Variants in TOGARAM2 observed in about 807,000 individuals in gnomAD.
TOGARAM2 encodes the protein TOG array regulator of axonemal microtubules 2.
A neutral mutation model predicts 93.3 loss-of-function variants in TOGARAM2; 85 were observed. The ratio of observed to expected loss-of-function variants is 0.91; its 90% CI spans 0.76 to 1.09. The LOEUF is 1.09. Ranked by LOEUF, TOGARAM2 falls within the 50% of genes least tolerant of loss-of-function variation. The probability of loss-of-function intolerance (pLI) is 0.00; values close to 1 mark genes in which losing one functional copy is unlikely to be tolerated. For missense variants in TOGARAM2, 1,277 were observed against 1,334.5 expected (o/e 0.96, Z 0.67); for synonymous variants, 593 against 552.8 (o/e 1.07, Z -1.02).
intron 15 of TOGARAM2, 21 bp from the exon 16 acceptor site, chr2:29,033,448 C>A: frequency 6.2e-7 from 1 of 1,604,028 alleles, no homozygotes; most frequent in South Asian, 1.1e-5. Context: ...TTGGCTCATG[C>A]TCTGTGTGTA....
chr2:29,001,626 C>T (rs765882279), intron 4 of TOGARAM2, among the ~76,000 whole-genome samples: 31 of 152,206 alleles, frequency 2.0e-4, no homozygotes, highest in African/African-American at 7.5e-4. Flanking sequence ...TCAGCCTCCC[C>T]GGTAGCTGGG....
intron 1 of TOGARAM2, among the ~76,000 whole-genome samples, chr2:28,969,116 C>G (rs1671910154): frequency 6.6e-6 from 1 of 152,154 alleles, no homozygotes. Flanking sequence ...CAAAGGTCCA[C>G]ATGTATTTTA....
chr2:29,023,791 C>T (rs1665136056), intron 12 of TOGARAM2, among the ~76,000 whole-genome samples: 1 of 152,208 alleles, frequency 6.6e-6, no homozygotes, highest in Non-Finnish European at 1.5e-5. Context: ...GTTACATTCT[C>T]CCAGGTTAAT....
intron 1 of TOGARAM2, among the ~76,000 whole-genome samples, chr2:28,987,172 A>G (rs566129334): frequency 1.3e-5 from 2 of 152,222 alleles, no homozygotes; most frequent in Non-Finnish European, 2.9e-5. Flanking sequence ...CCAAAGCTCA[A>G]TGACATAGTA....
intron 1 of TOGARAM2, among the ~76,000 whole-genome samples, chr2:28,989,445 T>C (rs1444878934): frequency 6.6e-6 from 1 of 151,934 alleles, no homozygotes; most frequent in Non-Finnish European, 1.5e-5. Flanking sequence ...TCGCCCAGAC[T>C]GGAGTGCGGT....
At chr2:28,985,073 C>T (rs1672405577) in intron 1 of TOGARAM2, among the ~76,000 whole-genome samples, 1 of 152,142 alleles carries the variant, frequency 6.6e-6, no homozygotes, top group African/African-American at 2.4e-5. Context: ...TAAAGCCTAA[C>T]CCCCCATGTG....
chr2:29,001,787 G>A (rs1176602436), intron 4 of TOGARAM2, among the ~76,000 whole-genome samples: 2 of 152,124 alleles, frequency 1.3e-5, no homozygotes, highest in Admixed American at 6.5e-5. Flanking sequence ...GAGCCACTGC[G>A]CCTGGCCTGA....
At chr2:28,997,311 G>T (rs1231276834) in intron 2 of TOGARAM2, among the ~76,000 whole-genome samples, 1 of 152,198 alleles carries the variant, frequency 6.6e-6, no homozygotes, top group East Asian at 1.9e-4. Context: ...TTAAAGGAGC[G>T]CATGCCTTAG....
chr2:29,007,771 C>T (rs926081266), intron 6 of TOGARAM2, among the ~76,000 whole-genome samples: 2 of 152,050 alleles, frequency 1.3e-5, no homozygotes, highest in African/African-American at 4.8e-5. Context: ...CCCACGACCC[C>T]ACAGTTCCTC....
At chr2:29,001,125 G>T (rs926059636) in intron 4 of TOGARAM2, among the ~76,000 whole-genome samples, 1 of 152,096 alleles carries the variant, frequency 6.6e-6, no homozygotes, top group Non-Finnish European at 1.5e-5. Context: ...AGGCTGAGTT[G>T]ACTCCTCTGT....
At chr2:29,038,394 C>T (rs1666244807) in intron 18 of TOGARAM2, among the ~76,000 whole-genome samples, 1 of 152,168 alleles carries the variant, frequency 6.6e-6, no homozygotes, top group Admixed American at 6.5e-5. Context: ...GTGTGGCCCT[C>T]AAAGGGATGA....
At chr2:29,011,399 C>G in intron 6 of TOGARAM2, 56 bp from the exon 7 acceptor site, 1 of 1,569,958 alleles carries the variant, frequency 6.4e-7, no homozygotes, top group Non-Finnish European at 8.7e-7. Context: ...GCTCCCCCAG[C>G]AGTGTCTCTG....
chr2:28,968,828 A>AC (rs1181352175), intron 1 of TOGARAM2, among the ~76,000 whole-genome samples: 17,082 of 121,634 alleles, frequency 0.14, 1,402 homozygotes, highest in East Asian at 0.53. Flanking sequence ...AAAAAAAAAA[A>AC]AAAAAAAAAA....
chr2:29,003,468 C>T, intron 5 of TOGARAM2, 24 bp from the exon 6 acceptor site: 1 of 1,471,788 alleles, frequency 6.8e-7, no homozygotes, highest in African/African-American at 1.4e-5. Context: ...ATAGGCCAGA[C>T]CCCTGTCCCG....
chr2:29,020,911 T>C (rs942314921), intron 10 of TOGARAM2, among the ~76,000 whole-genome samples: 3 of 152,088 alleles, frequency 2.0e-5, no homozygotes, highest in African/African-American at 7.2e-5. Flanking sequence ...CTTTTTTTGT[T>C]TGTTTGTTTT....
chr2:29,032,712 T>C (rs1194836214), intron 14 of TOGARAM2: 5 of 489,238 alleles, frequency 1.0e-5, no homozygotes, highest in African/African-American at 5.8e-5. Context: ...AAAAAGACTA[T>C]AGGAAAATAT....
intron 1 of TOGARAM2, among the ~76,000 whole-genome samples, chr2:28,989,538 A>G (rs942113833): frequency 6.6e-5 from 10 of 152,120 alleles, no homozygotes; most frequent in African/African-American, 2.4e-4. Context: ...AACTGAGACT[A>G]CAGGCACAGG....
At chr2:29,012,833 G>A (rs1319146493) in intron 7 of TOGARAM2, among the ~76,000 whole-genome samples, 2 of 152,214 alleles carry the variant, frequency 1.3e-5, no homozygotes, top group Non-Finnish European at 2.9e-5. Flanking sequence ...CATTCCTGCA[G>A]TCCTTGCCCT....
chr2:29,027,592 CTACTTA>C (rs1197670425), intron 14 of TOGARAM2, among the ~76,000 whole-genome samples: 1 of 121,838 alleles, frequency 8.2e-6, no homozygotes, highest in Non-Finnish European at 1.8e-5. Context: ...GATCCTGTCT[CTACTTA>C]AAAAAAAAAA....
Sources: gnomAD v4.1 joint callset for allele counts (sites outside exome capture counted in the v4.1 genomes callset) on GRCh38, gnomAD v4.1.1 for gene constraint, MANE v1.5 for transcripts, NCBI Gene and HGNC (gene_info 2026-07-23, HGNC 2026-07-21) for gene names.